Variants in ZNF475 observed in about 807,000 individuals in gnomAD.
ZNF475 encodes zinc finger protein 475.
the ZNF475 span, among the ~76,000 whole-genome samples, chr5:122,161,753 G>A: frequency 6.6e-6 from 1 of 151,956 alleles, no homozygotes; most frequent in East Asian, 1.9e-4. Context: ...ATTTTACTCT[G>A]TGACCTAGAA....
the ZNF475 span, among the ~76,000 whole-genome samples, chr5:122,166,787 T>C: frequency 1.3e-5 from 2 of 152,234 alleles, no homozygotes; most frequent in African/African-American, 4.8e-5. Context: ...TGAATAGTGC[T>C]GCAATAAACA....
chr5:122,179,284 A>G, the ZNF475 span, among the ~76,000 whole-genome samples: 1 of 152,166 alleles, frequency 6.6e-6, no homozygotes, highest in African/African-American at 2.4e-5. Context: ...GAAGAAAGTC[A>G]ATGGTAGCTT....
At chr5:122,164,918 A>G in the ZNF475 span, among the ~76,000 whole-genome samples, 1 of 152,188 alleles carries the variant, frequency 6.6e-6, no homozygotes, top group South Asian at 2.1e-4. Context: ...TGTCTCAGAG[A>G]TAGAGCTTTG....
At chr5:122,166,735 T>C in the ZNF475 span, among the ~76,000 whole-genome samples, 1 of 152,234 alleles carries the variant, frequency 6.6e-6, no homozygotes, top group Admixed American at 6.5e-5. Context: ...ATCCAGTCTA[T>C]CGTTGACGGA....
chr5:122,172,849 C>T, the ZNF475 span, among the ~76,000 whole-genome samples: 3 of 151,962 alleles, frequency 2.0e-5, no homozygotes, highest in African/African-American at 4.8e-5. Flanking sequence ...CTGGCTATCA[C>T]GGTGAAACCC....
chr5:122,174,872 C>T, the ZNF475 span, among the ~76,000 whole-genome samples: 6 of 152,086 alleles, frequency 3.9e-5, no homozygotes, highest in Admixed American at 1.3e-4. Flanking sequence ...ATTAACCTTT[C>T]CAGTAAATAA....
At chr5:122,160,599 C>G in the ZNF475 span, among the ~76,000 whole-genome samples, 1,710 of 152,256 alleles carry the variant, frequency 0.011, 16 homozygotes, top group Middle Eastern at 0.044. Flanking sequence ...GGTGCTCTTT[C>G]TTTGCATTGG....
chr5:122,177,482 A>C, the ZNF475 span, among the ~76,000 whole-genome samples: 1 of 152,236 alleles, frequency 6.6e-6, no homozygotes, highest in African/African-American at 2.4e-5. Context: ...GAAGGCAATC[A>C]ATCAATATTA....
At chr5:122,161,208 A>T in the ZNF475 span, among the ~76,000 whole-genome samples, 1 of 152,216 alleles carries the variant, frequency 6.6e-6, no homozygotes, top group Non-Finnish European at 1.5e-5. Flanking sequence ...GAAAGAAATG[A>T]CCTACAAATT....
chr5:122,181,600 T>A, the ZNF475 span, among the ~76,000 whole-genome samples: 1 of 152,168 alleles, frequency 6.6e-6, no homozygotes, highest in East Asian at 1.9e-4. Context: ...TAGATAGAAA[T>A]CATATGAGAA....
At chr5:122,172,543 A>G in the ZNF475 span, among the ~76,000 whole-genome samples, 1 of 152,238 alleles carries the variant, frequency 6.6e-6, no homozygotes, top group South Asian at 2.1e-4. Context: ...ATACATATGC[A>G]TTTTTCTGGG....
the ZNF475 span, among the ~76,000 whole-genome samples, chr5:122,162,689 A>G: frequency 6.6e-6 from 1 of 152,018 alleles, no homozygotes; most frequent in South Asian, 2.1e-4. Context: ...ACCTTCTGCA[A>G]CCTCCCTACC....
the ZNF475 span, among the ~76,000 whole-genome samples, chr5:122,178,579 G>A: frequency 6.6e-6 from 1 of 152,128 alleles, no homozygotes; most frequent in Non-Finnish European, 1.5e-5. Context: ...TTTTGATGGG[G>A]TTGCTTGTTT....
the ZNF475 span, among the ~76,000 whole-genome samples, chr5:122,173,012 A>C: frequency 6.6e-6 from 1 of 152,140 alleles, no homozygotes; most frequent in African/African-American, 2.4e-5. Context: ...CAGCCTCGGC[A>C]ACAGAGCGAG....
the ZNF475 span, among the ~76,000 whole-genome samples, chr5:122,165,520 C>G: frequency 6.6e-6 from 1 of 152,082 alleles, no homozygotes; most frequent in Admixed American, 6.6e-5. Flanking sequence ...ATGATTACAA[C>G]CGTATGGTTG....
chr5:122,175,655 C>A, the ZNF475 span, among the ~76,000 whole-genome samples: 14 of 152,286 alleles, frequency 9.2e-5, no homozygotes, highest in East Asian at 2.1e-3. Context: ...GTGAGCACCA[C>A]CAATTCCTCA....
chr5:122,182,510 TG>T, the ZNF475 span: 1 of 1,519,050 alleles, frequency 6.6e-7, no homozygotes, highest in Non-Finnish European at 8.8e-7. Flanking sequence ...TCTATGATCT[TG>T]ATGCTTTAAA....
At chr5:122,172,335 T>C in the ZNF475 span, among the ~76,000 whole-genome samples, 17 of 152,182 alleles carry the variant, frequency 1.1e-4, no homozygotes, top group African/African-American at 3.6e-4. Context: ...AAGCCAGATA[T>C]GGTGCCAAGT....
chr5:122,176,528 G>A, the ZNF475 span, among the ~76,000 whole-genome samples: 1 of 152,104 alleles, frequency 6.6e-6, no homozygotes, highest in East Asian at 1.9e-4. Flanking sequence ...ATTTAGACAG[G>A]CCCTGGGTTC....
Sources: gnomAD v4.1 joint callset for allele counts (sites outside exome capture counted in the v4.1 genomes callset) on GRCh38, gnomAD v4.1.1 for gene constraint, MANE v1.5 for transcripts, NCBI Gene and HGNC (gene_info 2026-07-23, HGNC 2026-07-21) for gene names.